ZNF550: variants seen among roughly 807,000 people sequenced by gnomAD.
ZNF550 encodes zinc finger protein 550.
Under a neutral mutation model 40.2 loss-of-function variants are expected in ZNF550, and 42 were observed. That is an observed-to-expected ratio of 1.05 (90% CI 0.82 to 1.35). The LOEUF is 1.35. Among genes scored for constraint, ZNF550 ranks in the 40% most tolerant of loss-of-function variants. The pLI is 0.00. For missense variants in ZNF550, 549 were observed against 525.2 expected (o/e 1.05, Z -0.44); for synonymous variants, 223 against 198.6 (o/e 1.12, Z -1.03).
chr19:57,554,468 C>T lies in ZNF550; in HGVS notation c.155-1746G>A, dbSNP rs879930368. On this transcript the variant is annotated intron_variant, in intron 2 of 4. Coordinates refer to ENST00000457177, the Ensembl canonical transcript of ZNF550. The surrounding 1 kb of genome is among the most constrained non-coding windows in gnomAD (Gnocchi z 4.5). ...CTGCGGCACCGAACAAGCCTGGAGCCAACCACACCTCAGGCTTCTCATCAG... is the reference window on the plus strand; with the variant it reads ...CTGCGGCACCGAACAAGCCTGGAGCTAACCACACCTCAGGCTTCTCATCAG... The T allele has an allele frequency of 2.0e-5, 3 of 152,254 alleles. No individual in the cohort carries two copies. Among genetic ancestry groups the T allele is most frequent in the Admixed American group, 1.3e-4 (2 of 15,282 alleles). The allele number at this position is 152,254 out of a possible 1,614,324, so 9.4% of individuals were successfully genotyped here.
intron 2 of ZNF550, chr19:57,553,484 C>G (rs900171502): frequency 2.0e-5 from 3 of 152,176 alleles, no homozygotes; most frequent in Admixed American, 6.6e-5. Flanking sequence ...GAGTGCAGTG[C>G]TCGGCTCACT....
At chr19:57,544,576 ACT>A (rs1203344159) in intron 4 of ZNF550, 5 of 985,148 alleles carry the variant, frequency 5.1e-6, no homozygotes, top group Non-Finnish European at 6.0e-6. Context: ...GAAACTGTGC[ACT>A]CTGTCCTGAA....
chr19:57,546,619 A>T lies in ZNF550; in HGVS notation c.*356T>A, dbSNP rs2090012219. On this transcript the variant is annotated 3_prime_UTR_variant, in exon 4 of 5. Coordinates refer to ENST00000457177, the Ensembl canonical transcript of ZNF550. ...TTCATTATGATTCTCAGATAGTAAG[A>T]TTTCTGCTCTGGCCAAAGACTGTCC... 4 of 1,024,148 alleles carry T rather than the reference A, an allele frequency of 3.9e-6. No homozygotes were observed. The South Asian group carries it at 1.3e-4, about 32-fold the overall frequency. 63.4% of individuals were successfully genotyped at this position (1,024,148 alleles called of 1,614,324 possible).
exon 3 of ZNF550, chr19:57,552,721 C>A: frequency 6.3e-7 from 1 of 1,596,274 alleles, no homozygotes; most frequent in Non-Finnish European, 8.5e-7. Flanking sequence ...GAACCCGATG[C>A]CCTGTTGATA....
At chr19:57,550,357 A>C (rs543084242) in intron 3 of ZNF550, among the ~76,000 whole-genome samples, 2 of 152,356 alleles carry the variant, frequency 1.3e-5, no homozygotes, top group East Asian at 3.9e-4. Context: ...TATCCACTAA[A>C]TATTATGGAA....
At chr19:57,543,013 A>G (rs1400818526) in exon 5 of ZNF550, 1 of 154,552 alleles carries the variant, frequency 6.5e-6, no homozygotes, top group Non-Finnish European at 1.4e-5. Flanking sequence ...AACCACAGCA[A>G]TTTCAAGACA....
intron 1 of ZNF550, chr19:57,556,657 A>G (rs1241574625): frequency 7.1e-6 from 2 of 281,578 alleles, no homozygotes; most frequent in African/African-American, 2.2e-5. Context: ...AGAATGGAGG[A>G]AAATGACTGA....
At chr19:57,543,523 G>T in intron 4 of ZNF550, 1 of 762,038 alleles carries the variant, frequency 1.3e-6, no homozygotes, top group Non-Finnish European at 1.6e-6. Flanking sequence ...ACTGTGAATG[G>T]TCATAACTAG....
chr19:57,559,595 G>T, intron 1 of ZNF550, 61 bp downstream of exon 1: 1 of 1,414,968 alleles, frequency 7.1e-7, no homozygotes, highest in East Asian at 2.7e-5. Context: ...CCGTCCTTCC[G>T]CTCGTCGGGC....
At chr19:57,544,043 C>G in intron 4 of ZNF550, 1 of 985,384 alleles carries the variant, frequency 1.0e-6, no homozygotes, top group Non-Finnish European at 1.2e-6. Context: ...GACTTAAAAA[C>G]GGGTGCTAAA....
intron 1 of ZNF550, among the ~76,000 whole-genome samples, chr19:57,558,734 G>A (rs143084147): frequency 2.9e-4 from 44 of 152,228 alleles, no homozygotes; most frequent in African/African-American, 1.0e-3. Context: ...AGCAAAGGAG[G>A]GAGAGGTGGA....
exon 4 of ZNF550, chr19:57,546,859 T>C (rs1014258578): frequency 1.4e-6 from 2 of 1,429,544 alleles, no homozygotes; most frequent in African/African-American, 1.4e-5. Flanking sequence ...AAATGAAAAG[T>C]TTCCTGACAT....
At chr19:57,544,371 T>C (rs2089989334) in intron 4 of ZNF550, 1 of 985,442 alleles carries the variant, frequency 1.0e-6, no homozygotes, top group Non-Finnish European at 1.2e-6. Flanking sequence ...TGGGACAAAC[T>C]GGGGCCTAGG....
intron 3 of ZNF550, among the ~76,000 whole-genome samples, chr19:57,551,089 G>C (rs1286477312): frequency 1.3e-5 from 2 of 152,072 alleles, no homozygotes; most frequent in African/African-American, 4.8e-5. Flanking sequence ...AAAAAAGCAA[G>C]TTCCCTGAGA....
chr19:57,548,096 A>G (rs1021641022), intron 3 of ZNF550, 103 bp from the exon 4 acceptor site: 41 of 1,075,132 alleles, frequency 3.8e-5, no homozygotes, highest in Middle Eastern at 4.7e-4. Flanking sequence ...AATAGTGCCT[A>G]TGATACTTGC....
rs2090031888 is a variant in ZNF550, at chr19:57,547,635, G to T, written c.609C>A (p.Tyr203Ter). The T allele has an allele frequency of 6.2e-7, 1 of 1,614,140 alleles. No homozygotes were observed. Among genetic ancestry groups the T allele is most frequent in the African/African-American group, 1.3e-5 (1 of 75,028 alleles). ...AACCTTTCCCACACTGCTTGCATTT[G>T]TAGGGGTTTGTCCCTGCATGAATCA... is the stretch of plus-strand genomic sequence containing the variant. Residue 203 changes from tyrosine (Y) to a stop codon, truncating the protein, a stop_gained, in exon 4 of 5, where the codon TAC becomes TAA. Transcript: ENST00000457177. LOFTEE classifies it high-confidence loss of function.
At chr19:57,556,489 C>A in intron 1 of ZNF550, 132 bp from the exon 2 acceptor site, 1 of 1,166,850 alleles carries the variant, frequency 8.6e-7, no homozygotes, top group Non-Finnish European at 1.2e-6. Flanking sequence ...GGGCTGACTT[C>A]CGTGCAGGGC....
chr19:57,556,507 G>C (rs2090122848), intron 1 of ZNF550, 150 bp from the exon 2 acceptor site: 2 of 945,340 alleles, frequency 2.1e-6, no homozygotes. Context: ...GGCTCAAAGG[G>C]GAGGCAGATA....
At chr19:57,543,798 C>T (rs377523067) in intron 4 of ZNF550, 3 of 390,582 alleles carry the variant, frequency 7.7e-6, no homozygotes, top group Non-Finnish European at 1.0e-5. Context: ...ACTAGCCGGG[C>T]ATGGTGGTGG....
Sources: allele counts gnomAD v4.1 joint callset (sites outside exome capture counted in the v4.1 genomes callset), GRCh38; gene constraint gnomAD v4.1.1; non-coding constraint Gnocchi (gnomAD v3.1); transcripts MANE v1.5; gene names NCBI Gene and HGNC (gene_info 2026-07-23, HGNC 2026-07-21).